RAP1GAP2: variants seen among roughly 807,000 people sequenced by gnomAD.
RAP1GAP2 encodes the protein rap1 GTPase-activating protein 2.
RAP1GAP2 carries 27 observed loss-of-function variants against 95.0 expected under a neutral mutation model. The observed-to-expected ratio is 0.28, with a 90% CI of 0.21 to 0.39. The LOEUF is 0.39. Among genes scored for constraint, RAP1GAP2 ranks in the 10% least tolerant of loss-of-function variants. RAP1GAP2 has a pLI of 1.00. For synonymous variants in RAP1GAP2, 373 were observed against 380.9 expected, an observed-to-expected ratio of 0.98 and a Z score of 0.24; for missense variants, 771 against 970.0, an observed-to-expected ratio of 0.79 and a Z score of 2.72.
chr17:2,795,190 CTT>C (rs578206765), upstream of RAP1GAP2, among the ~76,000 whole-genome samples: 3 of 144,346 alleles, frequency 2.1e-5, no homozygotes, highest in Non-Finnish European at 1.5e-5. Context: ...TCTTCTTCTT[CTT>C]TTTTTTTTTT....
intron 22 of RAP1GAP2, among the ~76,000 whole-genome samples, chr17:3,028,858 T>C (rs1321261023): frequency 6.6e-6 from 1 of 152,146 alleles, no homozygotes; most frequent in East Asian, 1.9e-4. Context: ...TGGAGTGCAA[T>C]GGCGCAATCT....
upstream of RAP1GAP2, among the ~76,000 whole-genome samples, chr17:2,772,234 C>A (rs1271202346): frequency 1.3e-5 from 2 of 152,154 alleles, no homozygotes; most frequent in African/African-American, 4.8e-5. Flanking sequence ...ATGATCCACC[C>A]ACCTGTGCCT....
intron 2 of RAP1GAP2, among the ~76,000 whole-genome samples, chr17:2,834,576 G>C (rs1027266091): frequency 6.6e-6 from 1 of 152,112 alleles, no homozygotes; most frequent in Non-Finnish European, 1.5e-5. Context: ...GTGGGCAGAT[G>C]GCTCGAGCCC....
rs1045194594 is a variant in RAP1GAP2 at position 2,957,045 on chromosome 17, G to A, written c.166-714G>A. Among the ~76,000 whole-genome samples, 5 of 151,666 alleles carry A rather than the reference G, an allele frequency of 3.3e-5. No homozygotes were observed. The East Asian group carries it at 5.9e-4, about 18-fold the overall frequency. ...CGGGAGGCTGAGGCAGGAGAATGGC[G>A]TGAACCCGGGAGGCGGAGGTTGCAG... On this transcript the variant is annotated intron_variant, in intron 3 of 24. Transcript: ENST00000254695.
chr17:2,952,240 AT>A, intron 3 of RAP1GAP2, among the ~76,000 whole-genome samples: 1 of 151,896 alleles, frequency 6.6e-6, no homozygotes, highest in Non-Finnish European at 1.5e-5. Context: ...TCAAAACTCT[AT>A]TTTTCTCACT....
At chr17:3,019,385 C>T (rs2046880169) in intron 18 of RAP1GAP2, among the ~76,000 whole-genome samples, 2 of 152,114 alleles carry the variant, frequency 1.3e-5, no homozygotes, top group East Asian at 2.0e-4. Flanking sequence ...TGGTGGCACG[C>T]ACCAGTAGTC....
chr17:2,804,121 A>T (rs1402117500), intron 2 of RAP1GAP2, among the ~76,000 whole-genome samples: 1 of 152,140 alleles, frequency 6.6e-6, no homozygotes, highest in Non-Finnish European at 1.5e-5. Context: ...CTCCTTCTAC[A>T]GCAGCTCACT....
At position 3,005,503 on chromosome 17, in the gene RAP1GAP2, C is replaced by A; in HGVS notation, c.1272+63C>A. 2 of 1,541,138 alleles carry A rather than the reference C, an allele frequency of 1.3e-6. No homozygotes were observed. The highest frequency in any genetic ancestry group is 1.8e-6 in the Non-Finnish European group (2 of 1,113,632). On this transcript the variant is annotated intron_variant, in intron 15 of 24. Coordinates refer to ENST00000254695, the MANE Select transcript of RAP1GAP2 (RefSeq NM_015085.5). The surrounding 1 kb of genome is among the most constrained non-coding windows in gnomAD (Gnocchi z 5.2). ...ATGCCAGGTCTCAGTGCTTGAGTAGCAATGGTTGGGATGGAGCCAAATTCA... is the reference window on the plus strand; with the variant it reads ...ATGCCAGGTCTCAGTGCTTGAGTAGAAATGGTTGGGATGGAGCCAAATTCA...
At chr17:2,946,284 T>C (rs758086272) in intron 3 of RAP1GAP2, among the ~76,000 whole-genome samples, 27 of 152,200 alleles carry the variant, frequency 1.8e-4, no homozygotes, top group African/African-American at 5.8e-4. Context: ...GCTGGCCTCA[T>C]AGGATGAGTT....
At chr17:2,872,370 T>C (rs1219145461) in intron 2 of RAP1GAP2, among the ~76,000 whole-genome samples, 1 of 151,972 alleles carries the variant, frequency 6.6e-6, no homozygotes, top group Non-Finnish European at 1.5e-5. Context: ...CATAGGCACA[T>C]CCGAGGGGAG....
chr17:2,915,922 T>C (rs570628539), intron 3 of RAP1GAP2, among the ~76,000 whole-genome samples: 8 of 152,026 alleles, frequency 5.3e-5, no homozygotes, highest in African/African-American at 1.9e-4. Flanking sequence ...ATGGTCTCAG[T>C]CTCCTGATCT....
At chr17:2,994,737 C>T (rs889013583) in intron 12 of RAP1GAP2, among the ~76,000 whole-genome samples, 7 of 152,322 alleles carry the variant, frequency 4.6e-5, no homozygotes, top group East Asian at 1.9e-4. Context: ...TGGATGGATG[C>T]GCTTCCTTCC....
chr17:2,839,196 G>A (rs1228956857), intron 2 of RAP1GAP2, among the ~76,000 whole-genome samples: 7 of 151,958 alleles, frequency 4.6e-5, no homozygotes, highest in South Asian at 2.1e-4. Flanking sequence ...CCAGCTGCTC[G>A]GGAGGCTGAG....
At chr17:3,020,946 C>T (rs926488320) in intron 19 of RAP1GAP2, among the ~76,000 whole-genome samples, 1 of 152,220 alleles carries the variant, frequency 6.6e-6, no homozygotes, top group Non-Finnish European at 1.5e-5. Flanking sequence ...GTTAGTTGCA[C>T]CTTCCTCTGG....
Position 2,964,003 on chromosome 17 carries a change from A to C in RAP1GAP2, c.427A>C (p.Thr143Pro). ...GGAAGAGGACAACCTCAGCCCCAAC[A>C]CATTTGGCTACAAGCTCGAGTGCAA... ...EEEEDNLSPN[T>P]FGYKLECKGE... is the part of the protein sequence containing the mutation. The change falls in exon 7 of 25, where the codon ACA (threonine) becomes CCA (proline). Residue 143 changes from threonine to proline, a missense_variant. Transcript: ENST00000254695. 1 of 1,612,334 alleles carries C rather than the reference A, an allele frequency of 6.2e-7. No individual in the cohort carries two copies. Among genetic ancestry groups the C allele is most frequent in the Non-Finnish European group, 8.5e-7 (1 of 1,179,560 alleles).
At chr17:2,781,148 C>T (rs1597293835) in intron 1 of RAP1GAP2, among the ~76,000 whole-genome samples, 1 of 152,218 alleles carries the variant, frequency 6.6e-6, no homozygotes, top group East Asian at 1.9e-4. Context: ...GCTCTCAGGG[C>T]CAGCTGGTTC....
chr17:3,002,053 C>T (rs1176201888), intron 14 of RAP1GAP2, among the ~76,000 whole-genome samples: 2 of 151,356 alleles, frequency 1.3e-5, no homozygotes, highest in Non-Finnish European at 1.5e-5. Context: ...ACCTCTGCCT[C>T]CCGGGTTCAA....
intron 4 of RAP1GAP2, among the ~76,000 whole-genome samples, chr17:2,961,386 A>G (rs564475854): frequency 2.0e-5 from 3 of 151,812 alleles, no homozygotes; most frequent in Non-Finnish European, 4.4e-5. Context: ...GTGGTGGTAC[A>G]TGCCTGTAAT....
chr17:2,831,525 C>G (rs990621661), intron 2 of RAP1GAP2, among the ~76,000 whole-genome samples: 1 of 151,496 alleles, frequency 6.6e-6, no homozygotes, highest in Non-Finnish European at 1.5e-5. Flanking sequence ...TAGTATTTAA[C>G]GGTGTGGATT....
Sources: gnomAD v4.1 joint callset for allele counts (sites outside exome capture counted in the v4.1 genomes callset) on GRCh38, gnomAD v4.1.1 for gene constraint, Gnocchi (gnomAD v3.1) non-coding constraint, MANE v1.5 for transcripts, NCBI Gene and HGNC (gene_info 2026-07-23, HGNC 2026-07-21) for gene names.